ZBTB20: variants seen among roughly 807,000 people sequenced by gnomAD.
ZBTB20 encodes the protein zinc finger and BTB domain-containing protein 20.
In ZBTB20, 9 loss-of-function variants were observed where a neutral mutation model predicts 56.9. The ratio of observed to expected loss-of-function variants is 0.16; its 90% CI spans 0.10 to 0.28. The LOEUF (loss-of-function observed/expected upper bound fraction) is 0.28, where lower values mean the gene tolerates loss of function less well. ZBTB20 is among the 10% of genes least tolerant of loss of function. The pLI is 1.00. For synonymous variants in ZBTB20, 417 were observed against 420.7 expected (o/e 0.99, Z 0.11); for missense variants, 655 against 1,003.0 (o/e 0.65, Z 4.69).
At chr3:115,074,719 T>G (rs1560549662) in intron 1 of ZBTB20, among the ~76,000 whole-genome samples, 1 of 152,146 alleles carries the variant, frequency 6.6e-6, no homozygotes, top group Non-Finnish European at 1.5e-5. Flanking sequence ...TGTAGTATGC[T>G]GTCTTGAGAG....
chr3:114,688,584 T>G (rs2062497156), intron 6 of ZBTB20, among the ~76,000 whole-genome samples: 1 of 152,122 alleles, frequency 6.6e-6, no homozygotes, highest in East Asian at 1.9e-4. Flanking sequence ...TGTAATTACC[T>G]CTTACAAACA....
At chr3:114,636,766 AAAC>A (rs1260835921) in intron 6 of ZBTB20, among the ~76,000 whole-genome samples, 2 of 152,096 alleles carry the variant, frequency 1.3e-5, no homozygotes, top group Non-Finnish European at 2.9e-5. Context: ...AGGAACTACA[AAAC>A]AACCAGACAA....
At chr3:114,794,177 G>T (rs1578897896) in intron 5 of ZBTB20, among the ~76,000 whole-genome samples, 1 of 152,008 alleles carries the variant, frequency 6.6e-6, no homozygotes, top group South Asian at 2.1e-4. Flanking sequence ...AATGGGAATG[G>T]TTCCTACTTT....
At position 114,922,644 on chromosome 3, in the gene ZBTB20, A is replaced by T. The variant is rs560490094; in HGVS notation, c.-455-22302T>A. Reference sequence around the variant, plus strand: ...TTTTTTTGGCTCATGGCTTTTCCGGATGTACAAGAAGCATGGCACCAGCTC... The same window carrying T: ...TTTTTTTGGCTCATGGCTTTTCCGGTTGTACAAGAAGCATGGCACCAGCTC... On this transcript the variant is annotated intron_variant, in intron 3 of 11. Transcript: ENST00000675478. Among the ~76,000 whole-genome samples, 3 of 152,322 alleles carry T rather than the reference A, an allele frequency of 2.0e-5. No individual in the cohort carries two copies. In the East Asian group the frequency reaches 5.8e-4, roughly 29 times the overall value.
chr3:114,618,984 T>C (rs2107744909), intron 6 of ZBTB20, among the ~76,000 whole-genome samples: 1 of 152,330 alleles, frequency 6.6e-6, no homozygotes. Context: ...TTTCTTTAAT[T>C]TTCACAAGTG....
chr3:114,873,953 G>A (rs1464718520), intron 4 of ZBTB20: 3 of 152,138 alleles, frequency 2.0e-5, no homozygotes, highest in African/African-American at 4.8e-5. Context: ...CTTTATCCAA[G>A]AACCAACACT....
intron 2 of ZBTB20, among the ~76,000 whole-genome samples, chr3:114,987,547 T>C (rs2078600308): frequency 6.6e-6 from 1 of 152,184 alleles, no homozygotes; most frequent in Non-Finnish European, 1.5e-5. Flanking sequence ...ATTTCACTTG[T>C]GAGGTTTCAA....
chr3:114,509,399 AG>A (rs1347486390), intron 6 of ZBTB20, among the ~76,000 whole-genome samples: 2 of 146,940 alleles, frequency 1.4e-5, no homozygotes, highest in African/African-American at 5.0e-5. Flanking sequence ...TAATAAGCAA[AG>A]TATTTGGGGA....
In ZBTB20 at chr3:114,809,016, C is replaced by T. The variant is rs546132981; in HGVS notation, c.-416-7842G>A. Among the ~76,000 whole-genome samples, 8 of 152,022 alleles carry T rather than the reference C, an allele frequency of 5.3e-5. 1 individual carries two copies. The South Asian group carries it at 1.5e-3, about 28-fold the overall frequency. ...CACACTGAATACGTCATCCCTCTAC[C>T]TCCTGGCTTTGTTTCTAATGAGAAG... On this transcript the variant is annotated intron_variant, in intron 4 of 11. Transcript: ENST00000675478.
chr3:114,941,551 A>G (rs1283327317), intron 3 of ZBTB20, among the ~76,000 whole-genome samples: 1 of 146,400 alleles, frequency 6.8e-6, no homozygotes, highest in East Asian at 1.9e-4. Flanking sequence ...AGAAAAAAAG[A>G]TATGTCTCTG....
intron 3 of ZBTB20, among the ~76,000 whole-genome samples, chr3:114,963,235 A>G (rs1009386519): frequency 1.3e-5 from 2 of 152,142 alleles, no homozygotes; most frequent in African/African-American, 4.8e-5. Context: ...AGAGAAGTTT[A>G]AGGTAAGTAA....
Position 114,748,290 on chromosome 3 carries a change from CTT to C in ZBTB20, c.-343+52809_-343+52810del, listed in dbSNP as rs1384739755. Among the ~76,000 whole-genome samples the C allele has an allele frequency of 2.8e-4, 35 of 124,396 alleles. 1 individual carries two copies. Among genetic ancestry groups the C allele is most frequent in the Admixed American group, 2.6e-3 (32 of 12,288 alleles). The allele number at this position is 124,396 out of a possible 152,430, so 81.6% of individuals were successfully genotyped here. A position where few individuals can be genotyped will look rare whatever the true frequency, so the allele number is the denominator to read the frequency against. On this transcript the variant is annotated intron_variant, in intron 5 of 11. Transcript: ENST00000675478. ...GGTTTTTGTTGTAGCTTCTTTCTTT[CTT>C]TCTTTCTTTCTTTCTTTCTTTCTTT...
intron 10 of ZBTB20, among the ~76,000 whole-genome samples, chr3:114,372,445 T>TA (rs967816754): frequency 5.3e-5 from 8 of 152,124 alleles, no homozygotes; most frequent in South Asian, 2.1e-4. Context: ...GACAGACTGT[T>TA]AGAGTCGGGA....
intron 6 of ZBTB20, among the ~76,000 whole-genome samples, chr3:114,558,805 T>C (rs2051610944): frequency 6.6e-6 from 1 of 152,156 alleles, no homozygotes; most frequent in African/African-American, 2.4e-5. Flanking sequence ...ATTCCTTCTC[T>C]GAACACATCA....
At chr3:114,677,626 T>C (rs1013107644) in intron 6 of ZBTB20, among the ~76,000 whole-genome samples, 3 of 152,246 alleles carry the variant, frequency 2.0e-5, no homozygotes, top group African/African-American at 4.8e-5. Context: ...GGCAAAAACG[T>C]TGGTGGCTGC....
intron 3 of ZBTB20, among the ~76,000 whole-genome samples, chr3:114,941,541 AG>A (rs2107853966): frequency 6.8e-6 from 1 of 146,542 alleles, no homozygotes; most frequent in South Asian, 2.1e-4. Flanking sequence ...TTGAGATGTT[AG>A]AAAAAAAGAT....
intron 6 of ZBTB20, among the ~76,000 whole-genome samples, chr3:114,560,785 G>C (rs2051926615): frequency 6.6e-6 from 1 of 152,136 alleles, no homozygotes; most frequent in South Asian, 2.1e-4. Flanking sequence ...TGGGGTGGCT[G>C]TGGTAATTTC....
At chr3:114,448,280 GA>G (rs111894767) in intron 7 of ZBTB20, among the ~76,000 whole-genome samples, 67 of 144,446 alleles carry the variant, frequency 4.6e-4, no homozygotes, top group African/African-American at 5.6e-4. Context: ...AATTCAAGAG[GA>G]AAAAAAAAAA....
chr3:114,714,469 T>G (rs1207850880), intron 5 of ZBTB20, among the ~76,000 whole-genome samples: 2 of 152,144 alleles, frequency 1.3e-5, no homozygotes, highest in African/African-American at 2.4e-5. Context: ...TCAATCCCTT[T>G]GTTCTCTTGG....
Sources: allele counts gnomAD v4.1 joint callset (sites outside exome capture counted in the v4.1 genomes callset), GRCh38; gene constraint gnomAD v4.1.1; transcripts MANE v1.5; gene names NCBI Gene and HGNC (gene_info 2026-07-23, HGNC 2026-07-21).